The following AKR1B15 variants were observed in gnomAD, a reference collection of about 807,000 sequenced individuals.
The protein encoded by AKR1B15 is aldo-keto reductase family 1 member B15, also known as estradiol 17-beta-dehydrogenase AKR1B15.
AKR1B15 carries 49 observed loss-of-function variants against 38.5 expected under a neutral mutation model. That is an observed-to-expected ratio of 1.27 (90% CI 1.01 to 1.62). The LOEUF (loss-of-function observed/expected upper bound fraction) is 1.62, where lower values mean the gene tolerates loss of function less well. Among genes scored for constraint, AKR1B15 ranks in the 40% most tolerant of loss-of-function variants. AKR1B15 has a pLI of 0.00. For missense variants in AKR1B15, 411 were observed against 381.6 expected (o/e 1.08, Z -0.64); for synonymous variants, 137 against 135.5 (o/e 1.01, Z -0.08).
At chr7:134,576,306 G>A in intron 8 of AKR1B15, 43 bp from the exon 9 acceptor site, 1 of 1,587,702 alleles carries the variant, frequency 6.3e-7, no homozygotes, top group African/African-American at 1.3e-5. Flanking sequence ...TCTGTACACG[G>A]TAGCCATGGT....
chr7:134,565,423 G>T, intron 3 of AKR1B15: 1 of 1,610,944 alleles, frequency 6.2e-7, no homozygotes, highest in Non-Finnish European at 8.5e-7. Flanking sequence ...AACCAACTCT[G>T]GACACAGCAG....
At chr7:134,557,924 C>T (rs552315056) in intron 2 of AKR1B15, among the ~76,000 whole-genome samples, 1 of 149,848 alleles carries the variant, frequency 6.7e-6, no homozygotes, top group East Asian at 2.0e-4. Flanking sequence ...GCCATTTCTT[C>T]CATTTAACTC....
intron 2 of AKR1B15, among the ~76,000 whole-genome samples, chr7:134,559,145 G>A (rs1486018176): frequency 6.6e-6 from 1 of 151,862 alleles, no homozygotes; most frequent in Non-Finnish European, 1.5e-5. Context: ...AGGTCATCTT[G>A]TCATCAGTGT....
intron 8 of AKR1B15, 65 bp downstream of exon 8, chr7:134,575,992 A>T: frequency 6.4e-7 from 1 of 1,569,974 alleles, no homozygotes. Flanking sequence ...ATAATTGGTA[A>T]ATGTCGGTAT....
chr7:134,552,105 A>G (rs1306646780), intron 1 of AKR1B15, among the ~76,000 whole-genome samples: 5 of 152,184 alleles, frequency 3.3e-5, no homozygotes. Context: ...CCCACTCACG[A>G]GAGGTGAGTT....
At chr7:134,555,013 A>T (rs532939435) in intron 1 of AKR1B15, among the ~76,000 whole-genome samples, 1 of 152,212 alleles carries the variant, frequency 6.6e-6, no homozygotes, top group African/African-American at 2.4e-5. Flanking sequence ...AAAACTAGGT[A>T]AAGCTCCTTC....
Position 134,560,199 on chromosome 7 carries a change from C to T in AKR1B15, c.-23+3340C>T, listed in dbSNP as rs529148594. Among the ~76,000 whole-genome samples the T allele has an allele frequency of 9.9e-4, 151 of 152,264 alleles. 2 individuals carry two copies. Among genetic ancestry groups the T allele is most frequent in the South Asian group, 1.5e-3 (7 of 4,818 alleles). On this transcript the variant is annotated intron_variant, in intron 2 of 11. Transcript: ENST00000457545. ...CCCTACTCCTTGGCCCCGTCCTGGC[C>T]TTGAGACTTGCTTTGATCAATAGAA... is the stretch of plus-strand genomic sequence containing the variant.
At chr7:134,578,497 C>T (rs10488429) in intron 11 of AKR1B15, among the ~76,000 whole-genome samples, 10,855 of 152,224 alleles carry the variant, frequency 0.071, 645 homozygotes, top group East Asian at 0.3. Context: ...TACTTTAAAT[C>T]TCAGATAAGT....
chr7:134,562,834 CTTTCTTT>C (rs1562946898), intron 2 of AKR1B15, among the ~76,000 whole-genome samples: 1 of 25,364 alleles, frequency 3.9e-5, no homozygotes, highest in Non-Finnish European at 1.0e-4. Flanking sequence ...CTTCCTTTCT[CTTTCTTT>C]CTTTCTTTCT....
intron 2 of AKR1B15, among the ~76,000 whole-genome samples, chr7:134,559,360 T>G (rs1272856829): frequency 6.6e-6 from 1 of 152,048 alleles, no homozygotes; most frequent in Admixed American, 6.5e-5. Flanking sequence ...GTACAAAGGG[T>G]GGAGAGCCAA....
Position 134,577,734 on chromosome 7 carries a change from A to G in AKR1B15, c.940A>G (p.Met314Val), listed in dbSNP as rs200701108. 3.3e-5 allele frequency: 54 copies of G among 1,613,814 alleles called. 1 individual carries two copies. The Admixed American group carries it at 8.3e-4, about 25-fold the overall frequency. ...TGACTTTAAATTGAGTGATGAGGAG[A>G]TGGCAACCATACTCAGCTTCAACAG... is the stretch of plus-strand genomic sequence containing the variant. ...VFDFKLSDEE[M>V]ATILSFNRNW... The change falls in exon 11 of 12, where the codon ATG becomes GTG. Residue 314 changes from methionine to valine, a missense_variant. Met to Val is a conservative substitution (Grantham distance 21). This residue lies in a region of AKR1B15 where 133 missense variants were observed against 120.3 expected (regional missense o/e 1.11). Coordinates refer to ENST00000457545, the MANE Select transcript of AKR1B15 (RefSeq NM_001080538.3).
intron 6 of AKR1B15, among the ~76,000 whole-genome samples, chr7:134,574,175 G>A (rs1794716967): frequency 6.6e-6 from 1 of 152,100 alleles, no homozygotes; most frequent in Non-Finnish European, 1.5e-5. Flanking sequence ...GATTAGTCAT[G>A]AGCCACTGCA....
intron 2 of AKR1B15, among the ~76,000 whole-genome samples, chr7:134,561,424 T>C (rs1794387669): frequency 1.3e-5 from 2 of 152,262 alleles, no homozygotes; most frequent in South Asian, 4.2e-4. Flanking sequence ...CCAGGCTAGT[T>C]TCAAACACTT....
chr7:134,573,045 T>C (rs1585812222), intron 6 of AKR1B15, among the ~76,000 whole-genome samples: 1 of 152,196 alleles, frequency 6.6e-6, no homozygotes, highest in African/African-American at 2.4e-5. Context: ...AGCATTCTTT[T>C]TTTGATACAG....
At position 134,575,865 on chromosome 7, in the gene AKR1B15, C is replaced by G. The variant is rs1478608990; in HGVS notation, c.681C>G (p.Tyr227Ter). The G allele has an allele frequency of 1.2e-6, 2 of 1,613,720 alleles. No individual in the cohort carries two copies. Among genetic ancestry groups the G allele is most frequent in the Non-Finnish European group, 1.7e-6 (2 of 1,179,820 alleles). ...PYLTQEKLIQ[Y>*]CHSKGITVTA... ...TCACGCAGGAGAAACTGATCCAGTA[C>G]TGCCACTCCAAGGGCATCACCGTTA... The change falls in exon 8 of 12, where the codon TAC becomes TAG. Residue 227 changes from tyrosine to a stop codon, truncating the protein, a stop_gained. Coordinates refer to ENST00000457545, the MANE Select transcript of AKR1B15 (RefSeq NM_001080538.3). LOFTEE classifies it high-confidence loss of function.
At chr7:134,562,876 TTC>T (rs1262099556) in intron 2 of AKR1B15, among the ~76,000 whole-genome samples, 10 of 144,400 alleles carry the variant, frequency 6.9e-5, no homozygotes, top group South Asian at 2.2e-4. Flanking sequence ...CTTTCTTTCT[TTC>T]TTTCTTTCTT....
At chr7:134,568,490 T>C (rs1392804576) in intron 4 of AKR1B15, among the ~76,000 whole-genome samples, 165 bp downstream of exon 4, 1 of 152,238 alleles carries the variant, frequency 6.6e-6, no homozygotes, top group Non-Finnish European at 1.5e-5. Flanking sequence ...CAAGCCGTTA[T>C]TGATATTTGA....
rs71541935 is a variant in AKR1B15 at position 134,562,088 on chromosome 7, A to G, written c.-22-2510A>G. On this transcript the variant is annotated intron_variant, in intron 2 of 11. Transcript: ENST00000457545. ...AACTTCCACCTCCTAGGTTCAAGCA[A>G]TTCTCCTGTCTCAGCCTCCCAAGTA... Among the ~76,000 whole-genome samples the G allele has an allele frequency of 2.7e-3, 410 of 152,220 alleles. 4 individuals carry two copies. Among genetic ancestry groups the G allele is most frequent in the Non-Finnish European group, 5.2e-3 (355 of 68,028 alleles).
At position 134,576,971 on chromosome 7, in the gene AKR1B15, C is replaced by G; in HGVS notation, c.834C>G (p.Ile278Met). 1 of 1,613,640 alleles carries G rather than the reference C, an allele frequency of 6.2e-7. No homozygotes were observed. Among genetic ancestry groups the G allele is most frequent in the South Asian group, 1.1e-5 (1 of 91,054 alleles). ...KHKKTTAQVL[I>M]RFHIQRNVTV... The stretch of plus-strand genomic sequence containing the variant: ...GTCCCCTTTCTGCACAGGTTCTGAT[C>G]CGTTTCCATATCCAGAGGAATGTGA... Residue 278 changes from isoleucine to methionine, a missense_variant, in exon 10 of 12, where the codon ATC (isoleucine) becomes ATG (methionine). By Grantham distance (10) the Ile-to-Met change is conservative. This residue lies in a region of AKR1B15 where 133 missense variants were observed against 120.3 expected (regional missense o/e 1.11). Transcript: ENST00000457545.
Sources: gnomAD v4.1 joint callset for allele counts (sites outside exome capture counted in the v4.1 genomes callset) on GRCh38, gnomAD v4.1.1 for gene constraint, gnomAD v4.1.1 regional missense constraint, MANE v1.5 for transcripts, NCBI Gene and HGNC (gene_info 2026-07-23, HGNC 2026-07-21) for gene names.